The following TTC7B variants were observed in gnomAD, a reference collection of about 807,000 sequenced individuals.
TTC7B encodes tetratricopeptide repeat protein 7B.
Under a neutral mutation model 106.8 loss-of-function variants are expected in TTC7B, and 28 were observed. The observed-to-expected ratio is 0.26, with a 90% CI of 0.19 to 0.36. The LOEUF is 0.36. Among genes scored for constraint, TTC7B ranks in the 10% least tolerant of loss-of-function variants. The pLI is 1.00. For synonymous variants in TTC7B, 405 were observed against 430.6 expected, an observed-to-expected ratio of 0.94 and a Z score of 0.74; for missense variants, 862 against 1,076.4, an observed-to-expected ratio of 0.80 and a Z score of 2.79.
At chr14:90,727,195 G>T (rs1452866922) in intron 5 of TTC7B, among the ~76,000 whole-genome samples, 3 of 152,152 alleles carry the variant, frequency 2.0e-5, no homozygotes, top group Non-Finnish European at 4.4e-5. Flanking sequence ...CCAACCAACA[G>T]AGGCTGGGAA....
At chr14:90,576,208 C>T (rs1891258008) in intron 19 of TTC7B, among the ~76,000 whole-genome samples, 1 of 152,084 alleles carries the variant, frequency 6.6e-6, no homozygotes, top group Admixed American at 6.6e-5. Context: ...TGGAAACATG[C>T]AGCCTCTTTT....
intron 17 of TTC7B, chr14:90,593,960 T>C (rs1892093552): frequency 5.4e-6 from 1 of 184,166 alleles, no homozygotes; most frequent in Non-Finnish European, 1.1e-5. Flanking sequence ...TAAGGGGACA[T>C]TACAAAGCGC....
chr14:90,546,435 A>G (rs1156634345), intron 19 of TTC7B, among the ~76,000 whole-genome samples: 2 of 152,102 alleles, frequency 1.3e-5, no homozygotes, highest in Non-Finnish European at 2.9e-5. Context: ...GCTGCGTCCA[A>G]CCTTCCCTGG....
rs1380292012 is a variant in TTC7B, at chr14:90,618,053, G to A, written c.1752-8C>T. 1 of 1,603,382 alleles carries A rather than the reference G, an allele frequency of 6.2e-7. No individual in the cohort carries two copies. Among genetic ancestry groups the A allele is most frequent in the South Asian group, 1.1e-5 (1 of 90,860 alleles). ...ACTTTGGAAAACAGTAGTCTGCAGT[G>A]GGGAGACAAAGGGAGAAAACACCAC... On this transcript the variant is annotated splice_region_variant and splice_polypyrimidine_tract_variant and intron_variant, in intron 15 of 19. Coordinates refer to ENST00000328459, the MANE Select transcript of TTC7B (RefSeq NM_001010854.2).
At chr14:90,785,600 T>C (rs1891359948) in intron 2 of TTC7B, among the ~76,000 whole-genome samples, 2 of 152,026 alleles carry the variant, frequency 1.3e-5, no homozygotes, top group Admixed American at 6.5e-5. Context: ...TGAGAGGGAA[T>C]GGAAACCTGG....
At chr14:90,803,708 TAC>T (rs1436743210) in intron 1 of TTC7B, among the ~76,000 whole-genome samples, 1 of 152,030 alleles carries the variant, frequency 6.6e-6, no homozygotes, top group Non-Finnish European at 1.5e-5. Context: ...CCCCCACATC[TAC>T]ACACACAGCG....
intron 15 of TTC7B, among the ~76,000 whole-genome samples, chr14:90,618,703 AC>A (rs1893188284): frequency 1.3e-5 from 2 of 152,160 alleles, no homozygotes. Flanking sequence ...TCGTGGCCCC[AC>A]AGGGTAATGC....
At chr14:90,603,424 T>C in intron 17 of TTC7B, 1 of 581,604 alleles carries the variant, frequency 1.7e-6, no homozygotes, top group Non-Finnish European at 2.6e-6. Context: ...TCTGGCTGTC[T>C]AGAATCATAT....
intron 4 of TTC7B, among the ~76,000 whole-genome samples, chr14:90,737,073 A>T (rs2139995199): frequency 6.6e-6 from 1 of 152,238 alleles, no homozygotes; most frequent in East Asian, 1.9e-4. Flanking sequence ...TTCAAAATTT[A>T]TGAGCAACTT....
At chr14:90,710,731 T>G (rs1888412986) in intron 5 of TTC7B, among the ~76,000 whole-genome samples, 1 of 152,236 alleles carries the variant, frequency 6.6e-6, no homozygotes, top group Admixed American at 6.5e-5. Context: ...CTCAGACGAC[T>G]GAGCATTTTT....
chr14:90,561,607 A>G (rs979422329), intron 19 of TTC7B, among the ~76,000 whole-genome samples: 3 of 152,220 alleles, frequency 2.0e-5, no homozygotes, highest in Admixed American at 2.0e-4. Context: ...CCACATACAG[A>G]AAGAAAAACT....
chr14:90,741,380 A>C (rs1340867003), intron 4 of TTC7B, among the ~76,000 whole-genome samples: 1 of 152,148 alleles, frequency 6.6e-6, no homozygotes, highest in Non-Finnish European at 1.5e-5. Flanking sequence ...CTAGTGAATA[A>C]AGTTAAACGC....
intron 7 of TTC7B, among the ~76,000 whole-genome samples, chr14:90,687,913 A>T (rs974410889): frequency 2.0e-5 from 3 of 152,232 alleles, no homozygotes; most frequent in African/African-American, 7.2e-5. Context: ...GCAAGGGTCA[A>T]CTTAAGAGGA....
intron 5 of TTC7B, among the ~76,000 whole-genome samples, chr14:90,706,307 C>T (rs1302150239): frequency 1.3e-5 from 2 of 151,954 alleles, no homozygotes; most frequent in Non-Finnish European, 2.9e-5. Flanking sequence ...GGACTACAGG[C>T]ACCTGCCACC....
chr14:90,556,307 C>T (rs554951469), intron 19 of TTC7B, among the ~76,000 whole-genome samples: 2 of 152,268 alleles, frequency 1.3e-5, no homozygotes, highest in South Asian at 2.1e-4. Flanking sequence ...TCCAGCCTCC[C>T]CTCCCCCATC....
At chr14:90,656,272 A>T (rs1438466155) in intron 11 of TTC7B, among the ~76,000 whole-genome samples, 2 of 152,234 alleles carry the variant, frequency 1.3e-5, no homozygotes, top group Admixed American at 1.3e-4. Context: ...AGTTTGTAAG[A>T]TGCTTCGGTC....
chr14:90,592,649 C>T (rs899560266), intron 18 of TTC7B, among the ~76,000 whole-genome samples: 1 of 150,618 alleles, frequency 6.6e-6, no homozygotes, highest in African/African-American at 2.5e-5. Context: ...GCAGAGGTTG[C>T]AGTGAGCCGA....
intron 4 of TTC7B, among the ~76,000 whole-genome samples, chr14:90,739,636 T>C (rs535703592): frequency 3.3e-5 from 5 of 152,360 alleles, no homozygotes; most frequent in South Asian, 2.1e-4. Flanking sequence ...CTAGAAACTT[T>C]AGCACTAAAA....
chr14:90,763,913 C>T (rs747715986), intron 3 of TTC7B, among the ~76,000 whole-genome samples: 82 of 152,250 alleles, frequency 5.4e-4, no homozygotes, highest in Non-Finnish European at 8.8e-4. Flanking sequence ...CTTCCCAAAT[C>T]AATCTACAGA....
Sources: allele counts gnomAD v4.1 joint callset (sites outside exome capture counted in the v4.1 genomes callset), GRCh38; gene constraint gnomAD v4.1.1; transcripts MANE v1.5; gene names NCBI Gene and HGNC (gene_info 2026-07-23, HGNC 2026-07-21).